Variants in PDGFC observed in about 807,000 individuals in gnomAD.
PDGFC encodes the protein platelet-derived growth factor C.
In PDGFC, 12 loss-of-function variants were observed where a neutral mutation model predicts 35.5. The ratio of observed to expected loss-of-function variants is 0.34; its 90% CI spans 0.22 to 0.55. The LOEUF (loss-of-function observed/expected upper bound fraction) is 0.55. Among genes scored for constraint, PDGFC ranks in the 20% least tolerant of loss-of-function variants. The pLI, the probability that PDGFC is intolerant of heterozygous loss-of-function variation, is 0.91. For synonymous variants in PDGFC, 159 were observed against 148.8 expected (o/e 1.07, Z -0.50); for missense variants, 322 against 412.4 (o/e 0.78, Z 1.90).
chr4:156,900,816 CAGAG>C (rs1179025217), intron 1 of PDGFC, among the ~76,000 whole-genome samples: 1 of 149,940 alleles, frequency 6.7e-6, no homozygotes, highest in Non-Finnish European at 1.5e-5. Flanking sequence ...GCCTGAGTGA[CAGAG>C]AGAGACCCTG....
At chr4:156,901,368 T>A (rs1208300998) in intron 1 of PDGFC, among the ~76,000 whole-genome samples, 1 of 151,968 alleles carries the variant, frequency 6.6e-6, no homozygotes, top group Non-Finnish European at 1.5e-5. Context: ...AGAAAGCATG[T>A]GAAGGATTAA....
intron 3 of PDGFC, among the ~76,000 whole-genome samples, chr4:156,777,418 A>G (rs562396843): frequency 1.3e-5 from 2 of 152,326 alleles, no homozygotes; most frequent in South Asian, 4.1e-4. Context: ...GGGTCTTTAA[A>G]GAGATCAGTA....
At chr4:156,790,426 A>G (rs1258213964) in intron 3 of PDGFC, among the ~76,000 whole-genome samples, 1 of 152,218 alleles carries the variant, frequency 6.6e-6, no homozygotes, top group Non-Finnish European at 1.5e-5. Flanking sequence ...GAGACAATGA[A>G]TTCTTATATT....
intron 1 of PDGFC, among the ~76,000 whole-genome samples, chr4:156,857,364 T>G (rs1729607925): frequency 6.6e-6 from 1 of 152,114 alleles, no homozygotes; most frequent in Non-Finnish European, 1.5e-5. Context: ...AAGCAGTGAT[T>G]TTTAGATAGT....
intron 1 of PDGFC, among the ~76,000 whole-genome samples, chr4:156,969,427 A>G (rs1732538060): frequency 6.6e-6 from 1 of 152,218 alleles, no homozygotes; most frequent in African/African-American, 2.4e-5. Flanking sequence ...TGTAAGAAGC[A>G]CCACACTAAT....
intron 1 of PDGFC, among the ~76,000 whole-genome samples, chr4:156,883,357 A>T (rs1730293708): frequency 6.6e-6 from 1 of 152,174 alleles, no homozygotes; most frequent in Admixed American, 6.5e-5. Context: ...GATTAAAGTC[A>T]TTGGGTTTTG....
chr4:156,902,535 T>C (rs1730814536), intron 1 of PDGFC, among the ~76,000 whole-genome samples: 1 of 152,224 alleles, frequency 6.6e-6, no homozygotes, highest in Non-Finnish European at 1.5e-5. Context: ...TTTCCACATG[T>C]TACATAAATT....
intron 1 of PDGFC, among the ~76,000 whole-genome samples, chr4:156,935,196 C>T (rs978704347): frequency 3.3e-5 from 5 of 152,074 alleles, no homozygotes; most frequent in African/African-American, 1.2e-4. Flanking sequence ...CGGGGTTTCA[C>T]CATGTTGGCC....
chr4:156,909,879 T>G (rs886108941), intron 1 of PDGFC, among the ~76,000 whole-genome samples: 2 of 152,070 alleles, frequency 1.3e-5, no homozygotes, highest in African/African-American at 2.4e-5. Context: ...GTACCCTAAA[T>G]CCAGTATCTG....
intron 1 of PDGFC, among the ~76,000 whole-genome samples, chr4:156,933,662 A>C (rs1475171878): frequency 1.3e-5 from 2 of 152,088 alleles, no homozygotes. Flanking sequence ...TCCCCACCCA[A>C]ATCTTATCTC....
At chr4:156,893,128 A>C (rs1173054249) in intron 1 of PDGFC, among the ~76,000 whole-genome samples, 1 of 152,204 alleles carries the variant, frequency 6.6e-6, no homozygotes, top group Admixed American at 6.5e-5. Flanking sequence ...TATTTGTCAT[A>C]ATTCTTTTTA....
rs527727563 is a variant in PDGFC, at chr4:156,922,715, ATCTTC to A, written c.118+48066_118+48070del. Among the ~76,000 whole-genome samples, 379 of 152,284 alleles carry A rather than the reference ATCTTC, an allele frequency of 2.5e-3. 2 individuals are homozygous for A. Among genetic ancestry groups the A allele is most frequent in the South Asian group, 0.022 (108 of 4,820 alleles). Reference sequence around the variant, plus strand: ...GAAGATTATGGTGAACACAGCTTAAATCTTCATGAGATGCTGTTGGGTTGGGGGTC... The same window carrying A: ...GAAGATTATGGTGAACACAGCTTAAAATGAGATGCTGTTGGGTTGGGGGTC... On this transcript the variant is annotated intron_variant, in intron 1 of 5. Coordinates refer to ENST00000502773, the MANE Select transcript of PDGFC (RefSeq NM_016205.3).
chr4:156,893,691 T>C (rs1194576138), intron 1 of PDGFC, among the ~76,000 whole-genome samples: 1 of 151,954 alleles, frequency 6.6e-6, no homozygotes, highest in Admixed American at 6.6e-5. Context: ...AAATCTTGCT[T>C]ATGCAAGGAC....
intron 1 of PDGFC, among the ~76,000 whole-genome samples, chr4:156,948,517 T>C (rs1025224864): frequency 1.3e-5 from 2 of 151,970 alleles, no homozygotes; most frequent in African/African-American, 4.8e-5. Flanking sequence ...CATATTAAGG[T>C]GCTTTCCGTT....
Position 156,884,490 on chromosome 4 carries a change from GC to G in PDGFC, c.119-34075del, listed in dbSNP as rs1730328615. ...TCTGACTCACAGATAGGAGTTTCCA[GC>G]CATATATCTAACAGTTTAATATCTT... On this transcript the variant is annotated intron_variant, in intron 1 of 5. Coordinates refer to ENST00000502773, the MANE Select transcript of PDGFC (RefSeq NM_016205.3). 3.3e-5 allele frequency among the ~76,000 whole-genome samples: 5 copies of G among 152,126 alleles called. No homozygotes were observed. In the South Asian group the frequency reaches 1.0e-3, roughly 32 times the overall value.
intron 3 of PDGFC, among the ~76,000 whole-genome samples, chr4:156,807,706 A>T (rs1325755346): frequency 2.0e-5 from 3 of 152,202 alleles, no homozygotes; most frequent in African/African-American, 7.2e-5. Flanking sequence ...GTTGACCAGA[A>T]CCCGATATCC....
intron 1 of PDGFC, among the ~76,000 whole-genome samples, chr4:156,970,038 T>C (rs1275329668): frequency 2.0e-5 from 3 of 152,218 alleles, no homozygotes; most frequent in Non-Finnish European, 4.4e-5. Flanking sequence ...TCTCCAGCTC[T>C]GTGCAATCCC....
chr4:156,938,970 C>T (rs1731745277), intron 1 of PDGFC, among the ~76,000 whole-genome samples: 1 of 151,492 alleles, frequency 6.6e-6, no homozygotes, highest in Non-Finnish European at 1.5e-5. Flanking sequence ...AACCACAATC[C>T]CATCAAATAT....
At chr4:156,884,939 C>T (rs1251436750) in intron 1 of PDGFC, among the ~76,000 whole-genome samples, 4 of 152,282 alleles carry the variant, frequency 2.6e-5, no homozygotes, top group African/African-American at 9.6e-5. Context: ...ATCACAAACT[C>T]ATTTCTAATT....
Sources: gnomAD v4.1 joint callset for allele counts (sites outside exome capture counted in the v4.1 genomes callset) on GRCh38, gnomAD v4.1.1 for gene constraint, MANE v1.5 for transcripts, NCBI Gene and HGNC (gene_info 2026-07-23, HGNC 2026-07-21) for gene names.